The following UNC13A variants were observed in gnomAD, a reference collection of about 807,000 sequenced individuals.
UNC13A encodes the protein unc-13 homolog A.
Under a neutral mutation model 219.7 loss-of-function variants are expected in UNC13A, and 61 were observed. The ratio of observed to expected loss-of-function variants is 0.28; its 90% CI spans 0.23 to 0.34. The LOEUF is 0.34. Among genes scored for constraint, UNC13A ranks in the 10% least tolerant of loss-of-function variants. The pLI, the probability that UNC13A is intolerant of heterozygous loss-of-function variation, is 1.00. For missense variants in UNC13A, 1,476 were observed against 2,270.3 expected, an observed-to-expected ratio of 0.65 and a Z score of 7.11; for synonymous variants, 920 against 884.6, an observed-to-expected ratio of 1.04 and a Z score of -0.71.
rs1018613127 is a variant in UNC13A at position 17,601,668 on chromosome 19, C to T, written c.*4386G>A. The T allele has an allele frequency of 2.0e-5, 3 of 152,282 alleles. No individual in the cohort carries two copies. Among genetic ancestry groups the T allele is most frequent in the Admixed American group, 6.5e-5 (1 of 15,290 alleles). 9.4% of individuals were successfully genotyped at this position (152,282 alleles called of 1,614,324 possible). On this transcript the variant is annotated 3_prime_UTR_variant, in exon 44 of 44. Transcript: ENST00000519716. The stretch of plus-strand genomic sequence containing the variant: ...TGAGGGAGCACGAGACAGGGGTGGA[C>T]AGGGGTCAAGTCCCCCTGGCTGTGT...
rs1358778040 is a variant in UNC13A, at chr19:17,641,455, G to T, written c.2574C>A (p.Ala858=). 6.2e-7 allele frequency: 1 copy of T among 1,614,092 alleles called. No individual in the cohort carries two copies. Among genetic ancestry groups the T allele is most frequent in the East Asian group, 2.2e-5 (1 of 44,882 alleles). Residue 858 remains alanine (A), a synonymous_variant, in exon 21 of 44, where the codon GCC becomes GCA. Transcript: ENST00000519716. ...TGGCAAACTCGTCCACAATCTCCTG[G>T]GCTGTCTCATCGTAGTAAACCTTCC... ...DAWKVYYDET[A]QEIVDEFAMR...
At chr19:17,656,967 A>G (rs1259520970) in intron 9 of UNC13A, among the ~76,000 whole-genome samples, 1 of 151,920 alleles carries the variant, frequency 6.6e-6, no homozygotes, top group Non-Finnish European at 1.5e-5. Flanking sequence ...ACAGCCCCGC[A>G]GCAGGTCTCC....
chr19:17,629,265 T>G lies in UNC13A; in HGVS notation c.3728A>C (p.Tyr1243Ser). Residue 1243 changes from tyrosine to serine, a missense_variant, in exon 31 of 44, where the codon TAC (tyrosine) becomes TCC (serine). By Grantham distance (144) the Tyr-to-Ser change is moderately radical (BLOSUM62 -2). This residue lies in a region of UNC13A where 218 missense variants were observed against 409.4 expected (regional missense o/e 0.53). Transcript: ENST00000519716. ...CACTTTCTCCTTCTCCTTGGAGCAGTAGGAGGCAAAGTCCTTGGAGATGAT... is the reference window on the plus strand; with the variant it reads ...CACTTTCTCCTTCTCCTTGGAGCAGGAGGAGGCAAAGTCCTTGGAGATGAT... The part of the protein sequence containing the change: ...ADIISKDFAS[Y>S]CSKEKEKVPC... 1 of 1,611,886 alleles carries G rather than the reference T, an allele frequency of 6.2e-7. No individual in the cohort carries two copies. The highest frequency in any genetic ancestry group is 8.5e-7 in the Non-Finnish European group (1 of 1,179,198).
intron 28 of UNC13A, among the ~76,000 whole-genome samples, chr19:17,631,033 C>G (rs898925429): frequency 5.7e-5 from 7 of 123,418 alleles, no homozygotes; most frequent in African/African-American, 2.5e-4. Context: ...TTCTCTGAGT[C>G]CTCTCTGAGT....
chr19:17,682,625 G>A (rs73924312), intron 1 of UNC13A, among the ~76,000 whole-genome samples: 2,443 of 152,286 alleles, frequency 0.016, 65 homozygotes, highest in African/African-American at 0.055. Context: ...AGACCTAGAT[G>A]CAGCTCCTCC....
In UNC13A at chr19:17,643,375, G is replaced by A. The variant is rs1301699702; in HGVS notation, c.2357-415C>T. Among the ~76,000 whole-genome samples, 8 of 151,446 alleles carry A rather than the reference G, an allele frequency of 5.3e-5. No homozygotes were observed. The South Asian group carries it at 8.4e-4, about 16-fold the overall frequency. ...AGATCTGTGGTCCAGGTTAGAGTGC[G>A]GTGGCGCAATCTTGGCTCACTGCAA... On this transcript the variant is annotated intron_variant, in intron 19 of 43. Coordinates refer to ENST00000519716, the MANE Select transcript of UNC13A (RefSeq NM_001080421.3).
chr19:17,651,527 C>T (rs11668114), intron 12 of UNC13A, among the ~76,000 whole-genome samples: 142 of 151,982 alleles, frequency 9.3e-4, no homozygotes, highest in African/African-American at 3.3e-3. Flanking sequence ...AGCCTGGCCC[C>T]GAAAAGGTTT....
chr19:17,660,856 C>T (rs756745632), intron 8 of UNC13A, among the ~76,000 whole-genome samples: 3 of 151,796 alleles, frequency 2.0e-5, no homozygotes, highest in Non-Finnish European at 4.4e-5. Flanking sequence ...CCGTACTGTT[C>T]GTTTGTGGCA....
chr19:17,662,837 G>A (rs1452977415), intron 8 of UNC13A, among the ~76,000 whole-genome samples: 13 of 151,318 alleles, frequency 8.6e-5, no homozygotes, highest in South Asian at 4.2e-4. Context: ...GGAGAATGGC[G>A]TGAACCCTGG....
chr19:17,658,374 A>C (rs753581515), intron 8 of UNC13A, 105 bp from the exon 9 acceptor site: 2 of 1,058,844 alleles, frequency 1.9e-6, no homozygotes, highest in Non-Finnish European at 2.8e-6. Flanking sequence ...GAAGAAGAGA[A>C]TTTTTTACTA....
chr19:17,623,571 G>T, intron 35 of UNC13A, 24 bp from the exon 36 acceptor site: 1 of 1,319,262 alleles, frequency 7.6e-7, no homozygotes, highest in Non-Finnish European at 1.0e-6. Flanking sequence ...TGGGGGCGGG[G>T]CGGTGGGGGA....
chr19:17,679,923 G>A (rs923252841), intron 1 of UNC13A, among the ~76,000 whole-genome samples: 2 of 152,088 alleles, frequency 1.3e-5, no homozygotes, highest in African/African-American at 4.8e-5. Flanking sequence ...GTGGGGGACC[G>A]GCTGGAGGGC....
At chr19:17,676,552 G>C (rs537609888) in intron 1 of UNC13A, among the ~76,000 whole-genome samples, 1 of 152,156 alleles carries the variant, frequency 6.6e-6, no homozygotes, top group Non-Finnish European at 1.5e-5. Flanking sequence ...AGAAGAAGGC[G>C]AGGATAAAGA....
chr19:17,647,881 T>G (rs4808676), intron 16 of UNC13A, among the ~76,000 whole-genome samples: 2 of 134,972 alleles, frequency 1.5e-5, no homozygotes, highest in Non-Finnish European at 3.1e-5. Context: ...GCTGCCTCTC[T>G]GAGCCCCACT....
chr19:17,653,644 C>T (rs570577990), intron 11 of UNC13A, among the ~76,000 whole-genome samples: 64 of 151,370 alleles, frequency 4.2e-4, no homozygotes, highest in Non-Finnish European at 5.6e-4. Context: ...CCACTGCATC[C>T]GGCTCTGAAA....
At chr19:17,648,792 G>T in intron 15 of UNC13A, 120 bp downstream of exon 15, 3 of 1,481,114 alleles carry the variant, frequency 2.0e-6, no homozygotes, top group Non-Finnish European at 2.8e-6. Flanking sequence ...GCTGCCTTCT[G>T]CCAGTCTGTG....
intron 12 of UNC13A, among the ~76,000 whole-genome samples, chr19:17,651,806 G>A (rs79216730): frequency 0.044 from 6,760 of 152,126 alleles, 367 homozygotes; most frequent in East Asian, 0.16. Flanking sequence ...CCCAGCTGCT[G>A]TCTCCCTGCC....
rs780747664 is a variant in UNC13A, at chr19:17,618,943, T to A, written c.4292A>T (p.Asn1431Ile). Residue 1431 changes from asparagine to isoleucine, a missense_variant, in exon 39 of 44, where the codon AAT (asparagine) becomes ATT (isoleucine). By Grantham distance (149) the Asn-to-Ile change is moderately radical. This residue lies in a region of UNC13A where 75 missense variants were observed against 100.2 expected (regional missense o/e 0.75). Coordinates refer to ENST00000519716, the MANE Select transcript of UNC13A (RefSeq NM_001080421.3). ...CAGCTGACCCAGCTCCTTGGCTGCA[T>A]TGAAGATCATCTGGGTTCCCTGCAG... ...SHSDGTQMIF[N>I]AAKELGQLSK... The A allele has an allele frequency of 4.3e-6, 7 of 1,613,856 alleles. No homozygotes were observed. The African/African-American group carries it at 9.3e-5, about 22-fold the overall frequency.
chr19:17,673,180 A>G (rs2079822918), intron 3 of UNC13A, among the ~76,000 whole-genome samples: 2 of 151,304 alleles, frequency 1.3e-5, no homozygotes, highest in South Asian at 4.2e-4. Flanking sequence ...CAACATGGAG[A>G]AACCCCATCT....
Sources: allele counts gnomAD v4.1 joint callset (sites outside exome capture counted in the v4.1 genomes callset), GRCh38; gene constraint gnomAD v4.1.1; regional missense constraint gnomAD v4.1.1; transcripts MANE v1.5; gene names NCBI Gene and HGNC (gene_info 2026-07-23, HGNC 2026-07-21).